HS6ST3: variants seen among roughly 807,000 people sequenced by gnomAD.
The protein encoded by HS6ST3 is heparan-sulfate 6-O-sulfotransferase 3.
HS6ST3 carries 12 observed loss-of-function variants against 36.7 expected under a neutral mutation model. The ratio of observed to expected loss-of-function variants is 0.33; its 90% CI spans 0.21 to 0.53. HS6ST3 has a LOEUF of 0.53. Ranked by LOEUF, HS6ST3 falls within the 20% of genes least tolerant of loss-of-function variation. The pLI, the probability that HS6ST3 is intolerant of heterozygous loss-of-function variation, is 0.95. For missense variants in HS6ST3, 584 were observed against 640.9 expected, an observed-to-expected ratio of 0.91 and a Z score of 0.96; for synonymous variants, 240 against 257.5, an observed-to-expected ratio of 0.93 and a Z score of 0.65.
At chr13:96,516,606 A>G (rs751355972) in intron 1 of HS6ST3, among the ~76,000 whole-genome samples, 19 of 152,214 alleles carry the variant, frequency 1.2e-4, no homozygotes, top group Admixed American at 2.6e-4. Flanking sequence ...TTTAATTTAT[A>G]TCTTCAGTTT....
intron 1 of HS6ST3, among the ~76,000 whole-genome samples, chr13:96,786,834 G>A (rs1877664894): frequency 6.6e-6 from 1 of 151,038 alleles, no homozygotes; most frequent in Admixed American, 6.6e-5. Context: ...CTGAGATGCA[G>A]AACAGTTCCA....
At chr13:96,440,245 G>C (rs900135891) in intron 1 of HS6ST3, among the ~76,000 whole-genome samples, 2 of 152,052 alleles carry the variant, frequency 1.3e-5, no homozygotes, top group African/African-American at 4.8e-5. Flanking sequence ...TCAGGAGTTC[G>C]ACACCAGACT....
chr13:96,760,976 G>C (rs183276617), intron 1 of HS6ST3, among the ~76,000 whole-genome samples: 1 of 152,074 alleles, frequency 6.6e-6, no homozygotes, highest in Non-Finnish European at 1.5e-5. Context: ...TGGAAACCAT[G>C]ACTATGTTAT....
rs2055996460 is a variant in HS6ST3, at chr13:96,500,020, G to A, written c.708-332470G>A. 2.0e-5 allele frequency among the ~76,000 whole-genome samples: 3 copies of A among 152,134 alleles called. No individual in the cohort carries two copies. In the South Asian group the frequency reaches 6.2e-4, roughly 32 times the overall value. Reference sequence around the variant, plus strand: ...ATATCTGCAGTTGTGCAACATCCCTGCTGATTTCAGAACATTTTCATCACT... The same window carrying A: ...ATATCTGCAGTTGTGCAACATCCCTACTGATTTCAGAACATTTTCATCACT... On this transcript the variant is annotated intron_variant, in intron 1 of 1. Coordinates refer to ENST00000376705, the MANE Select transcript of HS6ST3 (RefSeq NM_153456.4).
chr13:96,418,184 A>G lies in HS6ST3; in HGVS notation c.707+326615A>G, dbSNP rs966182506. ...AGAAATGCAAAACACATGGCACTAA[A>G]TAGACCATGAAAAAAACACTTGTTT... On this transcript the variant is annotated intron_variant, in intron 1 of 1. Transcript: ENST00000376705. 2.6e-5 allele frequency among the ~76,000 whole-genome samples: 4 copies of G among 152,178 alleles called. No individual in the cohort carries two copies. In the East Asian group the frequency reaches 5.8e-4, roughly 22 times the overall value.
At chr13:96,735,633 G>A (rs538735538) in intron 1 of HS6ST3, among the ~76,000 whole-genome samples, 4 of 152,056 alleles carry the variant, frequency 2.6e-5, no homozygotes, top group Non-Finnish European at 4.4e-5. Flanking sequence ...ACCTTTCCTC[G>A]TATTTCCTGA....
intron 1 of HS6ST3, among the ~76,000 whole-genome samples, chr13:96,669,853 C>G (rs911351013): frequency 2.0e-5 from 3 of 151,996 alleles, no homozygotes; most frequent in Non-Finnish European, 2.9e-5. Context: ...TTTCTTAAGA[C>G]AGAGGAGAAC....
intron 1 of HS6ST3, among the ~76,000 whole-genome samples, chr13:96,619,672 G>T (rs560989607): frequency 8.5e-5 from 13 of 152,312 alleles, no homozygotes; most frequent in Middle Eastern, 3.4e-3. Context: ...GTGCTATAAA[G>T]ATTGCCTTTA....
intron 1 of HS6ST3, among the ~76,000 whole-genome samples, chr13:96,389,317 A>G (rs1390018400): frequency 6.6e-6 from 1 of 152,176 alleles, no homozygotes; most frequent in Non-Finnish European, 1.5e-5. Context: ...GCTTCACTAT[A>G]GTAACGATTT....
At chr13:96,406,374 C>T (rs765704337) in intron 1 of HS6ST3, among the ~76,000 whole-genome samples, 3 of 152,094 alleles carry the variant, frequency 2.0e-5, no homozygotes, top group Non-Finnish European at 4.4e-5. Flanking sequence ...TATTTTTGTG[C>T]GTTTTGCTTA....
chr13:96,795,130 G>A (rs192885824), intron 1 of HS6ST3, among the ~76,000 whole-genome samples: 6 of 151,988 alleles, frequency 3.9e-5, no homozygotes, highest in Admixed American at 3.3e-4. Flanking sequence ...TTCCAGCACA[G>A]CCGTTTTAAT....
intron 1 of HS6ST3, among the ~76,000 whole-genome samples, chr13:96,785,202 A>T (rs556973893): frequency 6.6e-6 from 1 of 152,220 alleles, no homozygotes; most frequent in African/African-American, 2.4e-5. Flanking sequence ...AATTTTGATG[A>T]TGTGACTCCA....
chr13:96,206,231 AAT>A, intron 1 of HS6ST3, among the ~76,000 whole-genome samples: 1 of 152,194 alleles, frequency 6.6e-6, no homozygotes, highest in South Asian at 2.1e-4. Flanking sequence ...AAGAGAATAA[AAT>A]ATCTAAGAAT....
chr13:96,411,647 C>G, intron 1 of HS6ST3, among the ~76,000 whole-genome samples: 1 of 152,134 alleles, frequency 6.6e-6, no homozygotes, highest in East Asian at 1.9e-4. Context: ...TTTAGAAAGA[C>G]CATTCATTAT....
At chr13:96,476,161 T>C (rs777153462) in intron 1 of HS6ST3, among the ~76,000 whole-genome samples, 4 of 152,102 alleles carry the variant, frequency 2.6e-5, no homozygotes, top group Non-Finnish European at 5.9e-5. Context: ...TAATCTGAAA[T>C]GGACATGATA....
At chr13:96,308,465 A>G (rs1001792229) in intron 1 of HS6ST3, among the ~76,000 whole-genome samples, 8 of 152,158 alleles carry the variant, frequency 5.3e-5, no homozygotes, top group African/African-American at 1.9e-4. Context: ...TATAGTGGTC[A>G]TTAAAATAAT....
chr13:96,114,448 C>T (rs1050696264), intron 1 of HS6ST3, among the ~76,000 whole-genome samples: 5 of 152,120 alleles, frequency 3.3e-5, no homozygotes, highest in Admixed American at 3.3e-4. Context: ...CCGTTCCTGG[C>T]CCTTTCTTTT....
chr13:96,330,393 C>T (rs1265243501), intron 1 of HS6ST3, among the ~76,000 whole-genome samples: 1 of 147,996 alleles, frequency 6.8e-6, no homozygotes, highest in African/African-American at 2.5e-5. Context: ...GACAAAATCT[C>T]TCAGCATTTG....
At chr13:96,502,450 C>G (rs1187865669) in intron 1 of HS6ST3, among the ~76,000 whole-genome samples, 3 of 148,688 alleles carry the variant, frequency 2.0e-5, no homozygotes, top group African/African-American at 7.4e-5. Flanking sequence ...GGTCAAAGTA[C>G]TCCTGTCATG....
Sources: gnomAD v4.1 joint callset for allele counts (sites outside exome capture counted in the v4.1 genomes callset) on GRCh38, gnomAD v4.1.1 for gene constraint, MANE v1.5 for transcripts, NCBI Gene and HGNC (gene_info 2026-07-23, HGNC 2026-07-21) for gene names.